The following ITGAD variants were observed in gnomAD, a reference collection of about 807,000 sequenced individuals.
ITGAD encodes the protein integrin subunit alpha D.
Under a neutral mutation model 139.0 loss-of-function variants are expected in ITGAD, and 105 were observed. The observed-to-expected ratio is 0.76, with a 90% CI of 0.65 to 0.89. ITGAD has a LOEUF of 0.89. Ranked by LOEUF, ITGAD falls within the 40% of genes least tolerant of loss-of-function variation. The pLI is 0.00. For missense variants in ITGAD, 1,384 were observed against 1,487.3 expected (o/e 0.93, Z 1.14); for synonymous variants, 569 against 598.3 (o/e 0.95, Z 0.71).
intron 5 of ITGAD, among the ~76,000 whole-genome samples, chr16:31,401,863 G>A (rs1178168123): frequency 2.6e-5 from 4 of 152,218 alleles, no homozygotes; most frequent in Non-Finnish European, 5.9e-5. Flanking sequence ...CCTAGCATCT[G>A]TGTTTAATGA....
chr16:31,398,175 A>G (rs1302743241), intron 5 of ITGAD, among the ~76,000 whole-genome samples: 1 of 152,100 alleles, frequency 6.6e-6, no homozygotes, highest in Non-Finnish European at 1.5e-5. Context: ...CCAGCATTTT[A>G]GGAGGCTGAG....
Position 31,423,934 on chromosome 16 carries a change from T to A in ITGAD, c.3135T>A (p.Asn1045Lys). The A allele has an allele frequency of 6.2e-7, 1 of 1,614,120 alleles. No homozygotes were observed. Among genetic ancestry groups the A allele is most frequent in the Non-Finnish European group, 8.5e-7 (1 of 1,180,032 alleles). The change falls in exon 27 of 30, where the codon AAT (asparagine) becomes AAA (lysine). Residue 1045 changes from asparagine to lysine, a missense_variant. By Grantham distance (94) the Asn-to-Lys change is moderately conservative (BLOSUM62 0). Coordinates refer to ENST00000389202, the MANE Select transcript of ITGAD (RefSeq NM_005353.3). ...AGCTGGATTTCACCCTGAAGGGCAA[T>A]CTCAGTTTCGGCTGGGTCCGCGAGG... ...QEELDFTLKGNLSFGWVRETL... is the reference protein window; with the variant it reads ...QEELDFTLKGKLSFGWVRETL...
Position 31,394,286 on chromosome 16 carries a change from T to C in ITGAD, c.82T>C (p.Phe28Leu), listed in dbSNP as rs760681774. The C allele has an allele frequency of 6.2e-7, 1 of 1,614,006 alleles. No homozygotes were observed. Among genetic ancestry groups the C allele is most frequent in the African/African-American group, 1.3e-5 (1 of 75,014 alleles). The change falls in exon 2 of 30, where the codon TTC becomes CTC. Residue 28 changes from phenylalanine (F) to leucine (L), a missense_variant. Phe to Leu is a conservative substitution (Grantham distance 22). Transcript: ENST00000389202. ...CCTGGATGTGGAGGAGCCTACGATC[T>C]TCCAGGAGGATGCAGGCGGCTTTGG... ...FNLDVEEPTI[F>L]QEDAGGFGQS... is the part of the protein sequence containing the mutation.
At chr16:31,414,640 G>A in intron 17 of ITGAD, 35 bp downstream of exon 17, 1 of 1,612,608 alleles carries the variant, frequency 6.2e-7, no homozygotes, top group Non-Finnish European at 8.5e-7. Context: ...GGGGAGAGAG[G>A]AGGAGCCCAA....
At chr16:31,408,629 G>A (rs906008266) in intron 10 of ITGAD, 131 bp downstream of exon 10, 19 of 723,002 alleles carry the variant, frequency 2.6e-5, no homozygotes, top group Admixed American at 7.1e-5. Context: ...GCCCCCACGC[G>A]TGTGTTAGGG....
At chr16:31,414,795 TGGA>T in intron 17 of ITGAD, 62 bp from the exon 18 acceptor site, 1 of 1,591,668 alleles carries the variant, frequency 6.3e-7, no homozygotes, top group Non-Finnish European at 8.6e-7. Flanking sequence ...GTGGATGCAG[TGGA>T]GGAGGACTTG....
rs2081581204 is a variant in ITGAD, at chr16:31,407,911, T to C, written c.1004T>C (p.Val335Ala). ...QKQLQEKIYA[V>A]EGTQSRASSS... ...CAGCTGCAGGAGAAGATCTATGCAG[T>C]TGAGGGTAAATGGAAGCAAGGGTGC... Residue 335 changes from valine (V) to alanine (A), a missense_variant, in exon 9 of 30, where the codon GTT becomes GCT. Physicochemically the swap from Val to Ala is moderately conservative, Grantham distance 64. Coordinates refer to ENST00000389202, the MANE Select transcript of ITGAD (RefSeq NM_005353.3). The C allele has an allele frequency of 1.3e-6, 2 of 1,585,104 alleles. No homozygotes were observed. The highest frequency in any genetic ancestry group is 1.7e-6 in the Non-Finnish European group (2 of 1,157,976).
Position 31,403,413 on chromosome 16 carries a change from T to A in ITGAD, c.559-87T>A. 1 of 1,520,308 alleles carries A rather than the reference T, an allele frequency of 6.6e-7. No individual in the cohort carries two copies. Among genetic ancestry groups the A allele is most frequent in the Non-Finnish European group, 9.0e-7 (1 of 1,112,734 alleles). The allele number at this position is 1,520,308 out of a possible 1,614,324, so 94.2% of individuals were successfully genotyped here. On this transcript the variant is annotated intron_variant, in intron 6 of 29. Coordinates refer to ENST00000389202, the MANE Select transcript of ITGAD (RefSeq NM_005353.3). This position sits in a 1 kb window ranked among gnomAD's most constrained non-coding sequence, Gnocchi z 4.4. ...AGGAGGATCACTTGAGGCCAGGAGT[T>A]TGAGAGACCCTGTCTCTACAAAAAA...
In ITGAD at chr16:31,407,557, C is replaced by G; in HGVS notation, c.747C>G (p.Ala249=). The G allele has an allele frequency of 6.2e-7, 1 of 1,608,246 alleles. No individual in the cohort carries two copies. The highest frequency in any genetic ancestry group is 8.5e-7 in the Non-Finnish European group (1 of 1,177,050). ...FHHKNGARKS[A]KKILIVITDG... Reference sequence around the variant, plus strand: ...ATAAGAATGGGGCCCGAAAAAGTGCCAAGAAGATCCTCATTGTCATCACAG... The same window carrying G: ...ATAAGAATGGGGCCCGAAAAAGTGCGAAGAAGATCCTCATTGTCATCACAG... Residue 249 remains alanine, a synonymous_variant, in exon 8 of 30, where the codon GCC becomes GCG. Coordinates refer to ENST00000389202, the MANE Select transcript of ITGAD (RefSeq NM_005353.3).
rs138691929 is a variant in ITGAD at position 31,423,158 on chromosome 16, A to C, written c.2825A>C (p.Glu942Ala). ...TACTTCAACTTTGCAACCTCCGATG[A>C]GAAGAAAATGAAAGAGGCTGAGCAT... ...TKYFNFATSD[E>A]KKMKEAEHRY... Residue 942 changes from glutamate to alanine, a missense_variant, in exon 24 of 30, where the codon GAG becomes GCG. Transcript: ENST00000389202. 15 of 1,614,034 alleles carry C rather than the reference A, an allele frequency of 9.3e-6. No individual in the cohort carries two copies. In the African/African-American group the frequency reaches 1.9e-4, roughly 20 times the overall value.
chr16:31,409,879 CACAGCCTGTGTGACAGAGCA>C (rs891753958), intron 10 of ITGAD, among the ~76,000 whole-genome samples: 2 of 132,506 alleles, frequency 1.5e-5, no homozygotes, highest in Non-Finnish European at 3.1e-5. Flanking sequence ...GCCACTGCAT[CACAGCCTGTGTGACAGAGCA>C]ACAGCCTGTC....
intron 5 of ITGAD, among the ~76,000 whole-genome samples, 192 bp from the exon 6 acceptor site, chr16:31,401,910 GTCCTGTGTTGTCA>G (rs1053025224): frequency 1.3e-5 from 2 of 152,172 alleles, no homozygotes; most frequent in African/African-American, 4.8e-5. Flanking sequence ...GCCCACCTGG[GTCCTGTGTTGTCA>G]TCCCTCTCTT....
At chr16:31,401,973 G>A in intron 5 of ITGAD, 142 bp from the exon 6 acceptor site, 2 of 881,096 alleles carry the variant, frequency 2.3e-6, no homozygotes, top group Admixed American at 2.2e-5. Flanking sequence ...GGGCTGGGGT[G>A]GCAGACTGGG....
At chr16:31,394,603 G>T (rs774885241) in intron 2 of ITGAD, among the ~76,000 whole-genome samples, 21 of 152,246 alleles carry the variant, frequency 1.4e-4, no homozygotes, top group Non-Finnish European at 2.8e-4. Flanking sequence ...CTTGGGGCCA[G>T]TATGGTCACA....
At position 31,414,901 on chromosome 16, in the gene ITGAD, C is replaced by T. The variant is rs1403665339; in HGVS notation, c.2193C>T (p.Leu731=). The part of the protein sequence containing the change: ...EDVVSPIILH[L]NFSLVREPIP... ...TGGTGAGCCCCATCATTCTGCACCT[C>T]AACTTCTCACTGGTGAGAGAGCCCA... The change falls in exon 18 of 30, where the codon CTC becomes CTT. Residue 731 remains leucine (L), a synonymous_variant. Coordinates refer to ENST00000389202, the MANE Select transcript of ITGAD (RefSeq NM_005353.3). 1 of 1,614,088 alleles carries T rather than the reference C, an allele frequency of 6.2e-7. No homozygotes were observed. The highest frequency in any genetic ancestry group is 8.5e-7 in the Non-Finnish European group (1 of 1,179,992).
At chr16:31,418,615 G>A (rs1184586411) in intron 23 of ITGAD, 51 bp downstream of exon 23, 1 of 1,367,742 alleles carries the variant, frequency 7.3e-7, no homozygotes, top group Non-Finnish European at 1.0e-6. Flanking sequence ...CTCTATGCCT[G>A]GTACTCCTTC....
rs565792386 is a variant in ITGAD at position 31,423,370 on chromosome 16, C to T, written c.2878C>T (p.Arg960Ter). ...CCTGCAGGTGAATAACCTCAGCCAG[C>T]GAGATCTGGCCATCAGCATTAACTT... ...HRYRVNNLSQRDLAISINFWV... is the reference protein window; with the variant it reads ...HRYRVNNLSQ Residue 960 changes from arginine to a stop codon, truncating the protein, a stop_gained, in exon 25 of 30, where the codon CGA becomes TGA. Coordinates refer to ENST00000389202, the MANE Select transcript of ITGAD (RefSeq NM_005353.3). LOFTEE classifies it high-confidence loss of function. 24 of 1,613,974 alleles carry T rather than the reference C, an allele frequency of 1.5e-5. No homozygotes were observed. The highest frequency in any genetic ancestry group is 1.1e-4 in the African/African-American group (8 of 75,006).
chr16:31,417,940 C>A (rs573765123), intron 20 of ITGAD, 135 bp from the exon 21 acceptor site: 1 of 597,780 alleles, frequency 1.7e-6, no homozygotes, highest in Non-Finnish European at 2.7e-6. Flanking sequence ...AGAGTGAAAT[C>A]CGTCTCAAAA....
chr16:31,418,257 A>T (rs772920776), intron 21 of ITGAD, 44 bp from the exon 22 acceptor site: 5 of 1,606,568 alleles, frequency 3.1e-6, no homozygotes, highest in East Asian at 2.2e-5. Flanking sequence ...TCACTCTGCC[A>T]TGCCCTTCCT....
Sources: gnomAD v4.1 joint callset for allele counts (sites outside exome capture counted in the v4.1 genomes callset) on GRCh38, gnomAD v4.1.1 for gene constraint, Gnocchi (gnomAD v3.1) non-coding constraint, MANE v1.5 for transcripts, NCBI Gene and HGNC (gene_info 2026-07-23, HGNC 2026-07-21) for gene names.